Variants in DYNLL1 observed in about 807,000 individuals in gnomAD.
DYNLL1 encodes the protein dynein light chain LC8-type 1, also known as dynein light chain 1, cytoplasmic.
Under a neutral mutation model 10.1 loss-of-function variants are expected in DYNLL1, and 3 were observed. The observed-to-expected ratio is 0.30, with a 90% CI of 0.14 to 0.77. The LOEUF is 0.77. DYNLL1 is among the 30% of genes least tolerant of loss of function. DYNLL1 has a pLI of 0.66. For synonymous variants in DYNLL1, 46 were observed against 41.2 expected, an observed-to-expected ratio of 1.12 and a Z score of -0.45; for missense variants, 47 against 111.7, an observed-to-expected ratio of 0.42 and a Z score of 2.61.
chr12:120,488,354 T>C (rs901555031), intron 1 of DYNLL1, among the ~76,000 whole-genome samples: 5 of 152,066 alleles, frequency 3.3e-5, no homozygotes, highest in Non-Finnish European at 7.4e-5. Context: ...GTATAGATTG[T>C]TCCTCTAATG....
chr12:120,496,715 A>T, intron 2 of DYNLL1, 162 bp downstream of exon 2: 2 of 1,060,326 alleles, frequency 1.9e-6, no homozygotes, highest in Non-Finnish European at 2.7e-6. Context: ...GCTCCTGTGG[A>T]GAAGACCAGA....
intron 1 of DYNLL1, among the ~76,000 whole-genome samples, chr12:120,475,384 T>G (rs553180074): frequency 2.4e-4 from 36 of 152,334 alleles, no homozygotes; most frequent in African/African-American, 8.4e-4. Context: ...TTTCTTGGAT[T>G]AATGGGCTTC....
intron 1 of DYNLL1, among the ~76,000 whole-genome samples, chr12:120,480,157 G>A (rs922324869): frequency 3.3e-5 from 5 of 152,024 alleles, no homozygotes; most frequent in South Asian, 4.1e-4. Context: ...CAGGGGGAGC[G>A]GAATTCAAAA....
intron 2 of DYNLL1, 33 bp downstream of exon 2, chr12:120,496,586 G>A (rs1868418866): frequency 1.2e-6 from 2 of 1,613,760 alleles, no homozygotes; most frequent in Non-Finnish European, 1.7e-6. Context: ...ATACGCAGCC[G>A]GGAGCAGGGG....
chr12:120,496,241 G>C (rs1323925217), intron 1 of DYNLL1, 25 bp downstream of exon 1: 7 of 889,422 alleles, frequency 7.9e-6, no homozygotes, highest in Admixed American at 5.4e-5. Flanking sequence ...GGGCCAGGGG[G>C]TGTCCTCGCT....
At chr12:120,479,391 T>C (rs1288747508) in intron 1 of DYNLL1, among the ~76,000 whole-genome samples, 3 of 136,058 alleles carry the variant, frequency 2.2e-5, no homozygotes, top group African/African-American at 8.2e-5. Context: ...GAGGCGGAGG[T>C]TGTGGTCAGC....
chr12:120,480,441 C>T (rs1171681191), intron 1 of DYNLL1, among the ~76,000 whole-genome samples: 2 of 152,208 alleles, frequency 1.3e-5, no homozygotes, highest in African/African-American at 4.8e-5. Context: ...TCACCTTGGC[C>T]TTCAGGATGT....
At chr12:120,486,398 C>G (rs1451317852) in intron 1 of DYNLL1, among the ~76,000 whole-genome samples, 1 of 152,040 alleles carries the variant, frequency 6.6e-6, no homozygotes, top group African/African-American at 2.4e-5. Context: ...CTGCTCTTAC[C>G]GAGAGAGAAA....
chr12:120,484,205 C>T (rs1710130), intron 1 of DYNLL1, among the ~76,000 whole-genome samples: 40,674 of 151,794 alleles, frequency 0.27, 6,557 homozygotes, highest in Admixed American at 0.39. Flanking sequence ...ACAGGGGAAA[C>T]TGATGATGCA....
intron 1 of DYNLL1, among the ~76,000 whole-genome samples, chr12:120,471,391 C>T (rs1411549431): frequency 6.6e-6 from 1 of 151,830 alleles, no homozygotes; most frequent in Non-Finnish European, 1.5e-5. Flanking sequence ...CAAGACAAAA[C>T]AAAAACAAAC....
chr12:120,485,206 C>A (rs1160128765), intron 1 of DYNLL1, among the ~76,000 whole-genome samples: 2 of 149,280 alleles, frequency 1.3e-5, no homozygotes, highest in Non-Finnish European at 3.0e-5. Flanking sequence ...GAGAGTGGGA[C>A]CCCATCTTTA....
At chr12:120,484,814 C>G (rs1183517726) in intron 1 of DYNLL1, among the ~76,000 whole-genome samples, 1 of 151,542 alleles carries the variant, frequency 6.6e-6, no homozygotes, top group Non-Finnish European at 1.5e-5. Flanking sequence ...TCTCGGATCA[C>G]TGCAACCTCC....
chr12:120,489,948 G>A (rs186065712), intron 1 of DYNLL1, among the ~76,000 whole-genome samples: 2 of 152,242 alleles, frequency 1.3e-5, no homozygotes, highest in Admixed American at 6.5e-5. Context: ...GGGTTTCACC[G>A]TGTTGCCCAG....
At chr12:120,497,876 A>G (rs1424049097) in intron 2 of DYNLL1, 197 bp from the exon 3 acceptor site, 4 of 581,736 alleles carry the variant, frequency 6.9e-6, no homozygotes, top group Non-Finnish European at 3.0e-6. Flanking sequence ...CTCCATTCCC[A>G]TCTTCGCTCA....
At chr12:120,473,692 C>CAAAA (rs1227211097) in intron 1 of DYNLL1, among the ~76,000 whole-genome samples, 6 of 75,444 alleles carry the variant, frequency 8.0e-5, no homozygotes, top group African/African-American at 1.8e-4. Flanking sequence ...GACTCTGTCT[C>CAAAA]AAAAAAAAAA....
chr12:120,478,641 C>T (rs1878808829), intron 1 of DYNLL1, among the ~76,000 whole-genome samples: 1 of 149,434 alleles, frequency 6.7e-6, no homozygotes, highest in Non-Finnish European at 1.5e-5. Flanking sequence ...CACTTGAGGT[C>T]AGGAGTTCGA....
intron 1 of DYNLL1, among the ~76,000 whole-genome samples, chr12:120,479,466 A>T (rs1263203367): frequency 1.6e-5 from 2 of 125,026 alleles, no homozygotes; most frequent in African/African-American, 2.8e-5. Flanking sequence ...AAAAAAAAAA[A>T]AAAATAATAA....
At chr12:120,483,079 C>T (rs1250601283) in intron 1 of DYNLL1, among the ~76,000 whole-genome samples, 2 of 151,998 alleles carry the variant, frequency 1.3e-5, no homozygotes, top group African/African-American at 4.8e-5. Flanking sequence ...GTGGCTTACA[C>T]CTGTAATCCC....
chr12:120,486,925 G>A (rs1409798980), intron 1 of DYNLL1, among the ~76,000 whole-genome samples: 1 of 151,758 alleles, frequency 6.6e-6, no homozygotes, highest in Non-Finnish European at 1.5e-5. Context: ...TTTCAGTGTT[G>A]TGGGATTCAG....
Sources: gnomAD v4.1 joint callset for allele counts (sites outside exome capture counted in the v4.1 genomes callset) on GRCh38, gnomAD v4.1.1 for gene constraint, MANE v1.5 for transcripts, NCBI Gene and HGNC (gene_info 2026-07-23, HGNC 2026-07-21) for gene names.